Variants in BRD10 observed in about 807,000 individuals in gnomAD.
BRD10 encodes the protein uncharacterized bromodomain-containing protein 10.
At chr9:5,946,604 G>T in the BRD10 span, among the ~76,000 whole-genome samples, 97,275 of 151,716 alleles carry the variant, frequency 0.64, 32,792 homozygotes, top group Non-Finnish European at 0.77. Context: ...TATGATGACG[G>T]TGTCAAATTT....
the BRD10 span, among the ~76,000 whole-genome samples, chr9:5,966,340 T>C: frequency 1.1e-4 from 17 of 151,908 alleles, no homozygotes; most frequent in Non-Finnish European, 2.2e-4. Context: ...AACAGAAGTG[T>C]AATAAACAAT....
the BRD10 span, among the ~76,000 whole-genome samples, chr9:6,005,782 G>A: frequency 6.6e-6 from 1 of 152,124 alleles, no homozygotes; most frequent in African/African-American, 2.4e-5. Flanking sequence ...GGAGACAAGG[G>A]TAACAAACAC....
chr9:5,896,537 C>T, the BRD10 span, among the ~76,000 whole-genome samples: 1 of 152,148 alleles, frequency 6.6e-6, no homozygotes, highest in African/African-American at 2.4e-5. Flanking sequence ...CCAGCAGAAG[C>T]CTTAGTTAAA....
At chr9:5,990,335 C>T in the BRD10 span, among the ~76,000 whole-genome samples, 1 of 152,180 alleles carries the variant, frequency 6.6e-6, no homozygotes, top group East Asian at 1.9e-4. Flanking sequence ...TGAAAGAGAA[C>T]ATTAATGGAC....
the BRD10 span, chr9:5,920,070 T>C: frequency 1.7e-4 from 279 of 1,613,890 alleles, no homozygotes; most frequent in Non-Finnish European, 2.3e-4. Flanking sequence ...ACTGTGGGTA[T>C]AGAACTTGCA....
chr9:5,949,068 C>T, the BRD10 span, among the ~76,000 whole-genome samples: 1 of 151,866 alleles, frequency 6.6e-6, no homozygotes, highest in Non-Finnish European at 1.5e-5. Flanking sequence ...TAAGGGAGAA[C>T]TATATTAATT....
chr9:5,889,832 T>C, the BRD10 span, among the ~76,000 whole-genome samples: 8 of 152,260 alleles, frequency 5.3e-5, no homozygotes, highest in South Asian at 1.7e-3. Flanking sequence ...TTAAAATTCA[T>C]GGTCCGACAC....
At chr9:5,940,139 C>A in the BRD10 span, among the ~76,000 whole-genome samples, 2 of 152,160 alleles carry the variant, frequency 1.3e-5, no homozygotes. Flanking sequence ...TTTAACATAT[C>A]TTTTTACATA....
the BRD10 span, among the ~76,000 whole-genome samples, chr9:5,967,694 G>GAAAA: frequency 4.7e-4 from 58 of 123,610 alleles, 2 homozygotes; most frequent in Non-Finnish European, 6.2e-4. Flanking sequence ...CCCTTAGCCT[G>GAAAA]AAAAAAAAAA....
At chr9:5,902,821 A>T in the BRD10 span, among the ~76,000 whole-genome samples, 1 of 151,806 alleles carries the variant, frequency 6.6e-6, no homozygotes, top group East Asian at 1.9e-4. Flanking sequence ...TCTTGTTTTC[A>T]ATTTCATTGA....
At chr9:5,887,468 G>C in the BRD10 span, among the ~76,000 whole-genome samples, 521 of 152,216 alleles carry the variant, frequency 3.4e-3, 3 homozygotes, top group Non-Finnish European at 6.0e-3. Flanking sequence ...TGAGACCTGG[G>C]AACTTCACCT....
the BRD10 span, among the ~76,000 whole-genome samples, chr9:5,941,105 T>C: frequency 1.3e-5 from 2 of 152,040 alleles, no homozygotes; most frequent in African/African-American, 4.8e-5. Context: ...TAAACAAATA[T>C]GAGGGAAAAG....
the BRD10 span, among the ~76,000 whole-genome samples, chr9:5,994,752 C>T: frequency 6.6e-6 from 1 of 152,166 alleles, no homozygotes; most frequent in Non-Finnish European, 1.5e-5. Context: ...ACTTCTCCTA[C>T]TGAGCAGGGT....
chr9:5,917,451 A>G, the BRD10 span, among the ~76,000 whole-genome samples: 1 of 152,262 alleles, frequency 6.6e-6, no homozygotes, highest in African/African-American at 2.4e-5. Flanking sequence ...AAGAGCTTTT[A>G]AAACTTTAAG....
chr9:5,995,290 G>T, the BRD10 span, among the ~76,000 whole-genome samples: 1 of 152,192 alleles, frequency 6.6e-6, no homozygotes, highest in Non-Finnish European at 1.5e-5. Flanking sequence ...CAGTTTTTAA[G>T]TAAGAGCTCC....
chr9:5,908,993 G>A, the BRD10 span: 1 of 378,724 alleles, frequency 2.6e-6, no homozygotes, highest in East Asian at 5.3e-5. Flanking sequence ...TATTTTCTGA[G>A]AGACAGAATT....
At chr9:5,992,858 T>A in the BRD10 span, among the ~76,000 whole-genome samples, 1 of 152,108 alleles carries the variant, frequency 6.6e-6, no homozygotes, top group Admixed American at 6.5e-5. Flanking sequence ...GCTTTACTTA[T>A]AGTTAACATA....
chr9:5,943,468 C>T, the BRD10 span, among the ~76,000 whole-genome samples: 1 of 150,708 alleles, frequency 6.6e-6, no homozygotes, highest in African/African-American at 2.4e-5. Context: ...CTGCAAAAAA[C>T]AGTAACACTC....
At chr9:5,997,688 G>GA in the BRD10 span, among the ~76,000 whole-genome samples, 1 of 152,086 alleles carries the variant, frequency 6.6e-6, no homozygotes, top group African/African-American at 2.4e-5. Flanking sequence ...GGGTATTTGA[G>GA]AAAAAAATTA....
Sources: gnomAD v4.1 joint callset for allele counts (sites outside exome capture counted in the v4.1 genomes callset) on GRCh38, gnomAD v4.1.1 for gene constraint, MANE v1.5 for transcripts, NCBI Gene and HGNC (gene_info 2026-07-23, HGNC 2026-07-21) for gene names.